TEX2: variants seen among roughly 807,000 people sequenced by gnomAD.
TEX2 encodes testis-expressed protein 2.
Under a neutral mutation model 106.9 loss-of-function variants are expected in TEX2, and 53 were observed. That is an observed-to-expected ratio of 0.50 (90% CI 0.40 to 0.62). TEX2 has a LOEUF of 0.62. TEX2 is among the 20% of genes least tolerant of loss of function. The pLI, the probability that TEX2 is intolerant of heterozygous loss-of-function variation, is 0.00. For missense variants in TEX2, 1,207 were observed against 1,379.0 expected, an observed-to-expected ratio of 0.88 and a Z score of 1.98; for synonymous variants, 523 against 534.8, an observed-to-expected ratio of 0.98 and a Z score of 0.30.
chr17:64,171,251 A>C, intron 6 of TEX2, 52 bp from the exon 7 acceptor site: 1 of 1,459,306 alleles, frequency 6.9e-7, no homozygotes, highest in Non-Finnish European at 9.6e-7. Context: ...CCTACAAAAC[A>C]TGCTGTTGCA....
chr17:64,184,214 G>T (rs1180190370), intron 5 of TEX2, among the ~76,000 whole-genome samples: 1 of 152,100 alleles, frequency 6.6e-6, no homozygotes, highest in African/African-American at 2.4e-5. Flanking sequence ...TTCTGATTCA[G>T]CCTTCTGAGT....
chr17:64,216,944 G>A (rs531634170), intron 1 of TEX2, among the ~76,000 whole-genome samples: 7 of 152,110 alleles, frequency 4.6e-5, no homozygotes, highest in Non-Finnish European at 1.0e-4. Flanking sequence ...CTCAGACAGT[G>A]GCCTCAGAGG....
At chr17:64,171,857 G>A (rs1335918334) in intron 6 of TEX2, among the ~76,000 whole-genome samples, 1 of 151,968 alleles carries the variant, frequency 6.6e-6, no homozygotes, top group African/African-American at 2.4e-5. Context: ...GCATGCACTT[G>A]TAGTCCCAGC....
At chr17:64,229,511 T>C (rs2033604291) in intron 1 of TEX2, among the ~76,000 whole-genome samples, 1 of 152,128 alleles carries the variant, frequency 6.6e-6, no homozygotes, top group African/African-American at 2.4e-5. Flanking sequence ...TTTTTTTTAA[T>C]ATACAAAGTT....
At chr17:64,179,460 G>T (rs1431909744) in intron 5 of TEX2, among the ~76,000 whole-genome samples, 3 of 152,296 alleles carry the variant, frequency 2.0e-5, no homozygotes, top group Non-Finnish European at 4.4e-5. Context: ...ACACAGTGTG[G>T]AAGCTTTGTA....
At chr17:64,256,632 A>G (rs1370090424) in intron 1 of TEX2, among the ~76,000 whole-genome samples, 1 of 152,106 alleles carries the variant, frequency 6.6e-6, no homozygotes, top group African/African-American at 2.4e-5. Flanking sequence ...ACAATCCAAT[A>G]TATATGATGC....
Position 64,185,144 on chromosome 17 carries a change from G to A in TEX2, c.2424+3024C>T, listed in dbSNP as rs2032027501. Among the ~76,000 whole-genome samples, 1 of 152,168 alleles carries A rather than the reference G, an allele frequency of 6.6e-6. No homozygotes were observed. Among genetic ancestry groups the A allele is most frequent in the Non-Finnish European group, 1.5e-5 (1 of 68,028 alleles). On this transcript the variant is annotated intron_variant, in intron 5 of 11. Coordinates refer to ENST00000584379, the MANE Select transcript of TEX2 (RefSeq NM_001288732.2). This position sits in a 1 kb window ranked among gnomAD's most constrained non-coding sequence, Gnocchi z 4.0. ...ATCCAGTTTATAGATATGAGATGAT[G>A]AGCACGACGAGTAGTAATAAGGACA...
intron 1 of TEX2, among the ~76,000 whole-genome samples, chr17:64,253,966 T>C (rs988647201): frequency 1.3e-5 from 2 of 152,196 alleles, no homozygotes; most frequent in Non-Finnish European, 2.9e-5. Context: ...TCTGCGTCTG[T>C]CTTCTTTGAG....
At chr17:64,197,608 T>A (rs1302947515) in intron 2 of TEX2, among the ~76,000 whole-genome samples, 2 of 152,188 alleles carry the variant, frequency 1.3e-5, no homozygotes, top group South Asian at 2.1e-4. Flanking sequence ...ATCCTGGCTG[T>A]ACTGCAGTGG....
chr17:64,231,930 A>G (rs2033667123), intron 1 of TEX2, among the ~76,000 whole-genome samples: 1 of 152,160 alleles, frequency 6.6e-6, no homozygotes, highest in Non-Finnish European at 1.5e-5. Context: ...ACATCTTTTT[A>G]TCCGTGCCGA....
At chr17:64,253,048 C>G (rs1381008850) in intron 1 of TEX2, among the ~76,000 whole-genome samples, 1 of 152,186 alleles carries the variant, frequency 6.6e-6, no homozygotes, top group Non-Finnish European at 1.5e-5. Flanking sequence ...CTAGATCACA[C>G]AGCACCTAAA....
intron 1 of TEX2, among the ~76,000 whole-genome samples, chr17:64,242,680 A>G (rs146642115): frequency 6.6e-6 from 1 of 152,346 alleles, no homozygotes; most frequent in East Asian, 1.9e-4. Flanking sequence ...ACTTAAAAGC[A>G]GGACACAAAT....
intron 6 of TEX2, among the ~76,000 whole-genome samples, chr17:64,171,635 G>T (rs932377004): frequency 3.3e-5 from 5 of 152,128 alleles, no homozygotes; most frequent in Non-Finnish European, 7.3e-5. Context: ...CACATTTGCT[G>T]AAGTATGGGA....
chr17:64,151,044 AT>A, intron 10 of TEX2, 83 bp from the exon 11 acceptor site: 3 of 1,452,662 alleles, frequency 2.1e-6, no homozygotes, highest in Non-Finnish European at 2.8e-6. Context: ...TCTCATTTAC[AT>A]GGGGCTTTAT....
intron 1 of TEX2, among the ~76,000 whole-genome samples, chr17:64,251,950 C>T (rs2034101181): frequency 6.6e-6 from 1 of 152,112 alleles, no homozygotes; most frequent in Non-Finnish European, 1.5e-5. Context: ...GAGAAAGGTG[C>T]AAATATGAGC....
intron 5 of TEX2, 61 bp downstream of exon 5, chr17:64,188,107 G>A (rs950543564): frequency 7.9e-5 from 124 of 1,560,890 alleles, no homozygotes; most frequent in Non-Finnish European, 9.4e-5. Context: ...GAGCACTTAC[G>A]CATGAAGAAA....
chr17:64,155,605 A>T (rs1167576146), intron 8 of TEX2: 1 of 151,962 alleles, frequency 6.6e-6, no homozygotes, highest in Non-Finnish European at 1.5e-5. Flanking sequence ...GTCTCAGGAG[A>T]CTCTAGGAAG....
At chr17:64,159,327 T>C (rs1286384493) in intron 8 of TEX2, among the ~76,000 whole-genome samples, 1 of 152,210 alleles carries the variant, frequency 6.6e-6, no homozygotes, top group African/African-American at 2.4e-5. Context: ...TTTTCAAGAC[T>C]GCTTCTGCTT....
intron 1 of TEX2, among the ~76,000 whole-genome samples, chr17:64,262,875 C>CGGGGCCG (rs1267579295): frequency 1.1e-4 from 17 of 152,340 alleles, no homozygotes; most frequent in African/African-American, 3.6e-4. Context: ...CCTCCCTGCC[C>CGGGGCCG]GGGGCCGGGG....
Sources: gnomAD v4.1 joint callset for allele counts (sites outside exome capture counted in the v4.1 genomes callset) on GRCh38, gnomAD v4.1.1 for gene constraint, Gnocchi (gnomAD v3.1) non-coding constraint, MANE v1.5 for transcripts, NCBI Gene and HGNC (gene_info 2026-07-23, HGNC 2026-07-21) for gene names.